Variants in RNPC3 observed in about 807,000 individuals in gnomAD.
The protein encoded by RNPC3 is RNA binding region (RNP1, RRM) containing 3.
RNPC3 carries 48 observed loss-of-function variants against 67.5 expected under a neutral mutation model. That is an observed-to-expected ratio of 0.71 (90% CI 0.56 to 0.90). RNPC3 has a LOEUF of 0.90. Ranked by LOEUF, RNPC3 falls within the 40% of genes least tolerant of loss-of-function variation. The pLI is 0.00. For missense variants in RNPC3, 637 were observed against 626.1 expected, an observed-to-expected ratio of 1.02 and a Z score of -0.19; for synonymous variants, 239 against 210.3, an observed-to-expected ratio of 1.14 and a Z score of -1.18.
intron 7 of RNPC3, among the ~76,000 whole-genome samples, chr1:103,538,212 C>T (rs990582767): frequency 6.6e-6 from 1 of 152,264 alleles, no homozygotes; most frequent in Middle Eastern, 3.4e-3. Flanking sequence ...TTTGAGTCAG[C>T]CAACACACAC....
chr1:103,537,614 C>T, intron 7 of RNPC3, 130 bp downstream of exon 7: 1 of 667,928 alleles, frequency 1.5e-6, no homozygotes, highest in South Asian at 2.4e-5. Flanking sequence ...CCTCAGCCCC[C>T]CAGCACCTCA....
chr1:103,541,505 T>A, intron 8 of RNPC3, 30 bp downstream of exon 8: 1 of 1,471,034 alleles, frequency 6.8e-7, no homozygotes, highest in South Asian at 1.3e-5. Context: ...GAAATGAGGG[T>A]TGTCTGTATG....
intron 2 of RNPC3, among the ~76,000 whole-genome samples, chr1:103,528,301 T>C (rs1467338752): frequency 6.6e-6 from 1 of 152,170 alleles, no homozygotes; most frequent in African/African-American, 2.4e-5. Context: ...CTTGATACTT[T>C]TGAGCTGGCT....
chr1:103,527,580 A>G, intron 1 of RNPC3, 115 bp from the exon 2 acceptor site: 1 of 781,310 alleles, frequency 1.3e-6, no homozygotes, highest in South Asian at 1.6e-5. Context: ...TTGAGTTTTC[A>G]TCCTTTCCCG....
chr1:103,543,240 T>A (rs1651166825), intron 8 of RNPC3, 56 bp from the exon 9 acceptor site: 1 of 1,220,944 alleles, frequency 8.2e-7, no homozygotes, highest in Admixed American at 3.8e-5. Context: ...GAAATAATAT[T>A]TTACTCAGGA....
intron 14 of RNPC3, chr1:103,553,346 G>C (rs1199404041): frequency 6.6e-6 from 1 of 152,056 alleles, no homozygotes; most frequent in Non-Finnish European, 1.5e-5. Context: ...TCCTTTTTGG[G>C]GCAGTGTTTT....
intron 12 of RNPC3, among the ~76,000 whole-genome samples, chr1:103,550,699 A>G (rs1651368285): frequency 6.6e-6 from 1 of 152,110 alleles, no homozygotes; most frequent in South Asian, 2.1e-4. Flanking sequence ...ATAATTTTTA[A>G]ATCACATACT....
chr1:103,543,133 T>C (rs1312066544), intron 8 of RNPC3, among the ~76,000 whole-genome samples, 163 bp from the exon 9 acceptor site: 4 of 151,946 alleles, frequency 2.6e-5, no homozygotes, highest in African/African-American at 9.6e-5. Context: ...GCATTAAAGT[T>C]TATTAAACTA....
intron 2 of RNPC3, among the ~76,000 whole-genome samples, chr1:103,530,475 C>T (rs549064862): frequency 3.3e-5 from 5 of 152,186 alleles, no homozygotes; most frequent in African/African-American, 7.2e-5. Flanking sequence ...ATGCCTGTCA[C>T]GTTGTTCAAG....
chr1:103,537,280 T>A (rs1008841866), intron 6 of RNPC3, 62 bp from the exon 7 acceptor site: 1 of 1,145,246 alleles, frequency 8.7e-7, no homozygotes, highest in Non-Finnish European at 1.2e-6. Context: ...AGTATTCAGA[T>A]GGAGTTTGTT....
At chr1:103,537,854 T>A (rs1248923138) in intron 7 of RNPC3, among the ~76,000 whole-genome samples, 1 of 152,006 alleles carries the variant, frequency 6.6e-6, no homozygotes, top group Non-Finnish European at 1.5e-5. Flanking sequence ...TTATTATTAT[T>A]ATTTTTGATA....
At chr1:103,538,498 T>G (rs535094311) in intron 7 of RNPC3, among the ~76,000 whole-genome samples, 2 of 152,206 alleles carry the variant, frequency 1.3e-5, no homozygotes, top group South Asian at 4.1e-4. Context: ...TGAGTCAATG[T>G]TAATGAATCA....
chr1:103,551,269 A>C (rs771714047), intron 13 of RNPC3, 196 bp downstream of exon 13: 2 of 523,002 alleles, frequency 3.8e-6, no homozygotes, highest in Non-Finnish European at 6.7e-6. Context: ...CTTCAGCAGC[A>C]TGAGGTTGTT....
Position 103,535,312 on chromosome 1 carries a change from A to G in RNPC3, c.444-18A>G, listed in dbSNP as rs1650954403. ...AATTATGAAAACATAAGCATCTTAAATGTTTTTTGTTTTATAGGCTGACTT... is the reference window on the plus strand; with the variant it reads ...AATTATGAAAACATAAGCATCTTAAGTGTTTTTTGTTTTATAGGCTGACTT... On this transcript the variant is annotated intron_variant, in intron 4 of 14. Coordinates refer to ENST00000423855, the MANE Select transcript of RNPC3 (RefSeq NM_017619.4). 2.0e-6 allele frequency: 3 copies of G among 1,466,880 alleles called. No individual in the cohort carries two copies. Among genetic ancestry groups the G allele is most frequent in the African/African-American group, 1.4e-5 (1 of 71,314 alleles). The allele number at this position is 1,466,880 out of a possible 1,614,324, so 90.9% of individuals were successfully genotyped here.
rs1331443692 is a variant in RNPC3, at chr1:103,551,721, C to T, written c.1495C>T (p.Gln499Ter). The stretch of plus-strand genomic sequence containing the variant: ...GGAAACCTTAATTTTAAATTATTAG[C>T]AGTTTGCTCGATCTGCTAGACCAAA... ...YVLFGKPMVV[Q>*]FARSARPKQD... Residue 499 changes from glutamine to a stop codon, truncating the protein, a stop_gained and splice_region_variant, in exon 14 of 15, where the codon CAG becomes TAG. Coordinates refer to ENST00000423855, the MANE Select transcript of RNPC3 (RefSeq NM_017619.4). LOFTEE classifies it high-confidence loss of function. 1 of 1,512,802 alleles carries T rather than the reference C, an allele frequency of 6.6e-7. No individual in the cohort carries two copies. Among genetic ancestry groups the T allele is most frequent in the Non-Finnish European group, 8.9e-7 (1 of 1,123,530 alleles). The allele number at this position is 1,512,802 out of a possible 1,614,324, so 93.7% of individuals were successfully genotyped here. A position where few individuals can be genotyped will look rare whatever the true frequency, so the allele number is the denominator to read the frequency against.
At chr1:103,546,620 C>G (rs1651250656) in intron 11 of RNPC3, 1 of 319,124 alleles carries the variant, frequency 3.1e-6, no homozygotes. Flanking sequence ...TGTTGTCTCA[C>G]AGTTCTGGAG....
At chr1:103,533,636 G>A (rs1196930100) in intron 2 of RNPC3, 103 bp from the exon 3 acceptor site, 1 of 653,522 alleles carries the variant, frequency 1.5e-6, no homozygotes, top group Non-Finnish European at 2.6e-6. Context: ...TCAAGGAACT[G>A]TTTACAGCAT....
chr1:103,531,777 A>AT (rs1303640293), intron 2 of RNPC3, among the ~76,000 whole-genome samples: 15 of 151,920 alleles, frequency 9.9e-5, no homozygotes, highest in Non-Finnish European at 1.6e-4. Context: ...TTCTCCCGCT[A>AT]TGGGTTGTCT....
intron 12 of RNPC3, among the ~76,000 whole-genome samples, chr1:103,548,114 T>G (rs1651291004): frequency 6.6e-6 from 1 of 152,090 alleles, no homozygotes; most frequent in Non-Finnish European, 1.5e-5. Context: ...ACAAAATCAC[T>G]TTTTCTTCCT....
Sources: gnomAD v4.1 joint callset for allele counts (sites outside exome capture counted in the v4.1 genomes callset) on GRCh38, gnomAD v4.1.1 for gene constraint, MANE v1.5 for transcripts, NCBI Gene and HGNC (gene_info 2026-07-23, HGNC 2026-07-21) for gene names.